The following MAGEC3 variants were observed in gnomAD, a reference collection of about 807,000 sequenced individuals.
The protein encoded by MAGEC3 is melanoma-associated antigen C3.
Under a neutral mutation model 35.3 loss-of-function variants are expected in MAGEC3, and 34 were observed. That is an observed-to-expected ratio of 0.96 (90% confidence interval 0.73 to 1.28). The LOEUF is 1.28. Ranked by LOEUF, MAGEC3 falls within the 50% of genes most tolerant of loss-of-function variation. The probability of loss-of-function intolerance (pLI) is 0.00; values close to 1 mark genes in which losing one functional copy is unlikely to be tolerated. For synonymous variants in MAGEC3, 202 were observed against 185.6 expected, an observed-to-expected ratio of 1.09 and a Z score of -0.72; for missense variants, 561 against 483.6, an observed-to-expected ratio of 1.16 and a Z score of -1.50.
chrX:141,879,073 G>T (rs1262706849), intron 2 of MAGEC3, 102 bp from the exon 3 acceptor site: 4 of 998,841 alleles, frequency 4.0e-6, no homozygotes, highest in Admixed American at 3.5e-5. Flanking sequence ...AGGCAGGAAG[G>T]CCAGGCGGTT....
chrX:141,878,408 C>A (rs926918957), intron 2 of MAGEC3, among the ~76,000 whole-genome samples: 2 of 111,845 alleles, frequency 1.8e-5, no homozygotes, highest in Admixed American at 1.9e-4. Context: ...ACAGGGAGAC[C>A]CAGGACCAGC....
At chrX:141,848,094 T>C (rs920992355) in intron 1 of MAGEC3, among the ~76,000 whole-genome samples, 6 of 109,865 alleles carry the variant, frequency 5.5e-5, no homozygotes, top group Non-Finnish European at 1.1e-4. Flanking sequence ...TATGTATAAA[T>C]ATATATACAC....
chrX:141,884,993 A>T (rs1272133901), intron 4 of MAGEC3, among the ~76,000 whole-genome samples: 1 of 111,585 alleles, frequency 9.0e-6, no homozygotes, highest in Non-Finnish European at 1.9e-5. Context: ...CCTTTGTCTG[A>T]GGAGATAAAC....
At chrX:141,874,765 C>G (rs1239983435) in intron 2 of MAGEC3, among the ~76,000 whole-genome samples, 2 of 108,190 alleles carry the variant, frequency 1.8e-5, no homozygotes, top group Non-Finnish European at 3.8e-5. Context: ...AAAAAATACA[C>G]TCACTCTAGA....
At chrX:141,863,635 T>G (rs1406616498) in intron 1 of MAGEC3, among the ~76,000 whole-genome samples, 1 of 111,567 alleles carries the variant, frequency 9.0e-6, no homozygotes, top group African/African-American at 3.3e-5. Context: ...TTCTAGAACA[T>G]AAAGCCTATT....
intron 1 of MAGEC3, among the ~76,000 whole-genome samples, chrX:141,843,944 G>A (rs893838886): frequency 9.0e-6 from 1 of 110,615 alleles, no homozygotes; most frequent in Non-Finnish European, 1.9e-5. Flanking sequence ...TTGCCACCAC[G>A]TTGAACTTTG....
rs761811031 is a variant in MAGEC3 at position 141,895,212 on chromosome X, T to TG, written c.910-51dup. The stretch of plus-strand genomic sequence containing the variant: ...GAAAAGGTGGAAGGAGGCGGAGAGG[T>TG]GGGGGGTGGTTTTTCCATGGAGAGG... On this transcript the variant is annotated intron_variant, in intron 4 of 7. Transcript: ENST00000298296. The TG allele has an allele frequency of 6.2e-6, 7 of 1,121,438 alleles. 1 individual carries two copies. The highest frequency in any genetic ancestry group is 5.6e-5 in the African/African-American group (3 of 53,098). The allele number at this position is 1,121,438 out of a possible 1,213,427, so 92.4% of individuals were successfully genotyped here. A position where few individuals can be genotyped will look rare whatever the true frequency, so the allele number is the denominator to read the frequency against.
chrX:141,895,343 A>G lies in MAGEC3; in HGVS notation c.984A>G (p.Ala328=), dbSNP rs1486921628. 1 of 1,210,611 alleles carries G rather than the reference A, an allele frequency of 8.3e-7. No homozygotes were observed. The highest frequency in any genetic ancestry group is 1.1e-6 in the Non-Finnish European group (1 of 895,127). Residue 328 remains alanine, a synonymous_variant, in exon 5 of 8, where the codon GCA becomes GCG. Transcript: ENST00000298296. The part of the protein sequence containing the change: ...LALWESEGPE[A]FCEESGLRSA... ...TGTGGGAGTCTGAAGGACCTGAAGCATTTTGCGAGGAGTCTGGACTCAGGT... is the reference window on the plus strand; with the variant it reads ...TGTGGGAGTCTGAAGGACCTGAAGCGTTTTGCGAGGAGTCTGGACTCAGGT...
chrX:141,883,459 A>G (rs1012291187), intron 4 of MAGEC3, among the ~76,000 whole-genome samples: 2 of 112,107 alleles, frequency 1.8e-5, no homozygotes, highest in African/African-American at 3.2e-5. Context: ...ACAATTCCAT[A>G]TCTATCCTGG....
intron 4 of MAGEC3, among the ~76,000 whole-genome samples, chrX:141,891,423 A>C (rs764937501): frequency 9.0e-6 from 1 of 110,905 alleles, no homozygotes; most frequent in Non-Finnish European, 1.9e-5. Flanking sequence ...CTGTTACTTT[A>C]TCTGACTATT....
chrX:141,895,633 T>G, intron 6 of MAGEC3, 74 bp downstream of exon 6: 1 of 948,804 alleles, frequency 1.1e-6, no homozygotes, highest in Non-Finnish European at 1.4e-6. Flanking sequence ...GAGGACAGCT[T>G]CCCAGAGATT....
intron 1 of MAGEC3, among the ~76,000 whole-genome samples, chrX:141,851,185 C>T (rs1040387454): frequency 9.1e-6 from 1 of 110,464 alleles, no homozygotes; most frequent in Non-Finnish European, 1.9e-5. Flanking sequence ...TAACCATTGT[C>T]CCTGTGACAG....
At chrX:141,884,926 C>G (rs1701141145) in intron 4 of MAGEC3, among the ~76,000 whole-genome samples, 2 of 111,706 alleles carry the variant, frequency 1.8e-5, no homozygotes, top group South Asian at 7.7e-4. Context: ...CTCAAATCTG[C>G]TAGGATTGCC....
rs1239895729 is a variant in MAGEC3, at chrX:141,881,596, T to C, written c.709T>C (p.Phe237Leu). ...AGCCCGTGAGTTCATAGAGATTCTT[T>C]TTGGCATTTCCCTGACAGAAGTGGA... is the stretch of plus-strand genomic sequence containing the variant. ...RKAREFIEIL[F>L]GISLTEVDPD... Residue 237 changes from phenylalanine (F) to leucine (L), a missense_variant, in exon 4 of 8, where the codon TTT becomes CTT. Coordinates refer to ENST00000298296, the MANE Select transcript of MAGEC3 (RefSeq NM_138702.1). The C allele has an allele frequency of 8.3e-7, 1 of 1,209,618 alleles. No homozygotes were observed. Among genetic ancestry groups the C allele is most frequent in the Non-Finnish European group, 1.1e-6 (1 of 895,028 alleles).
At chrX:141,880,914 C>G (rs1210430732) in intron 3 of MAGEC3, 2 of 783,380 alleles carry the variant, frequency 2.6e-6, no homozygotes, top group Non-Finnish European at 3.9e-6. Context: ...TCCCTCAGGC[C>G]TGTTGGATGC....
chrX:141,869,185 G>C (rs1469053623), intron 2 of MAGEC3, among the ~76,000 whole-genome samples: 2 of 111,150 alleles, frequency 1.8e-5, no homozygotes, highest in Non-Finnish European at 3.8e-5. Context: ...CGCCCGGCCA[G>C]TTCTTTGATT....
At chrX:141,860,945 G>A (rs1379444438) in intron 1 of MAGEC3, among the ~76,000 whole-genome samples, 3 of 111,594 alleles carry the variant, frequency 2.7e-5, no homozygotes, top group African/African-American at 6.5e-5. Context: ...CATAGCATTC[G>A]CAGCAACCTG....
Position 141,897,286 on chromosome X carries a change from G to T in MAGEC3, c.1528G>T (p.Gly510Cys). Residue 510 changes from glycine (G) to cysteine (C), a missense_variant, in exon 7 of 8, where the codon GGC (glycine) becomes TGC (cysteine). Physicochemically the swap from Gly to Cys is radical, Grantham distance 159. Coordinates refer to ENST00000298296, the MANE Select transcript of MAGEC3 (RefSeq NM_138702.1). Reference protein sequence around the residue: ...KAHEFIELIFGIALTDMDPDN... With the variant: ...KAHEFIELIFCIALTDMDPDN... ...CCATGAGTTCATAGAGCTAATTTTT[G>T]GCATTGCCCTGACTGATATGGACCC... The T allele has an allele frequency of 1.7e-6, 2 of 1,211,145 alleles. No homozygotes were observed. The highest frequency in any genetic ancestry group is 2.2e-5 in the Admixed American group (1 of 46,010).
At chrX:141,881,887 C>T (rs1603073557) in intron 4 of MAGEC3, 91 bp downstream of exon 4, 1 of 1,089,302 alleles carries the variant, frequency 9.2e-7, no homozygotes. Flanking sequence ...GGAGTAGCGA[C>T]ATGTGCCCAG....
Sources: allele counts gnomAD v4.1 joint callset (sites outside exome capture counted in the v4.1 genomes callset), GRCh38; gene constraint gnomAD v4.1.1; transcripts MANE v1.5; gene names NCBI Gene and HGNC (gene_info 2026-07-23, HGNC 2026-07-21).